The following KCNMA1 variants were observed in gnomAD, a reference collection of about 807,000 sequenced individuals.
KCNMA1 encodes the protein Calcium-activated potassium channel subunit alpha-1.
Under a neutral mutation model 140.0 loss-of-function variants are expected in KCNMA1, and 29 were observed. The observed-to-expected ratio is 0.21, with a 90% confidence interval of 0.15 to 0.28. The LOEUF is 0.28. KCNMA1 is among the 10% of genes least tolerant of loss of function. The probability of loss-of-function intolerance (pLI) is 1.00; values close to 1 mark genes in which losing one functional copy is unlikely to be tolerated. For missense variants in KCNMA1, 880 were observed against 1,602.2 expected (o/e 0.55, Z 7.70); for synonymous variants, 612 against 611.9 (o/e 1.00, Z 0.00).
chr10:77,041,077 G>A (rs574189352), intron 14 of KCNMA1, among the ~76,000 whole-genome samples: 4 of 152,002 alleles, frequency 2.6e-5, no homozygotes, highest in Non-Finnish European at 5.9e-5. Flanking sequence ...TGCCCCCTGG[G>A]TTCAAGAGAT....
Position 77,112,495 on chromosome 10 carries a change from TG to T in KCNMA1, c.885-54del. The stretch of plus-strand genomic sequence containing the variant: ...CCACGTTACCAAGGGAAGGCCCTGC[TG>T]GGGCTGCCTTACAGGGTAACAGCAC... On this transcript the variant is annotated intron_variant, in intron 6 of 27. Coordinates refer to ENST00000286628, the MANE Select transcript of KCNMA1 (RefSeq NM_001161352.2). 3 of 1,406,492 alleles carry T rather than the reference TG, an allele frequency of 2.1e-6. No homozygotes were observed. In the East Asian group the frequency reaches 6.9e-5, roughly 32 times the overall value. The allele number at this position is 1,406,492 out of a possible 1,614,324, so 87.1% of individuals were successfully genotyped here.
At chr10:77,301,695 T>C (rs962839328) in intron 2 of KCNMA1, among the ~76,000 whole-genome samples, 2 of 151,860 alleles carry the variant, frequency 1.3e-5, no homozygotes, top group African/African-American at 2.4e-5. Context: ...TGCACTTCAA[T>C]TGACGCCCCG....
At chr10:77,056,230 A>C (rs1169490976) in intron 14 of KCNMA1, among the ~76,000 whole-genome samples, 1 of 152,086 alleles carries the variant, frequency 6.6e-6, no homozygotes, top group Non-Finnish European at 1.5e-5. Context: ...AAATACAAAA[A>C]TTAGCCAGGC....
At chr10:77,409,658 C>T (rs2096574595) in intron 1 of KCNMA1, among the ~76,000 whole-genome samples, 1 of 152,232 alleles carries the variant, frequency 6.6e-6, no homozygotes, top group South Asian at 2.1e-4. Context: ...CCAGCCACGA[C>T]AGCTGCTCTG....
chr10:77,028,275 C>T (rs1020980996), intron 15 of KCNMA1, among the ~76,000 whole-genome samples: 2 of 152,058 alleles, frequency 1.3e-5, no homozygotes, highest in African/African-American at 4.8e-5. Flanking sequence ...ATTTGGATTC[C>T]GTTTCGGTCT....
chr10:77,111,862 A>ATACAAGGCTT (rs1491267760), intron 7 of KCNMA1, among the ~76,000 whole-genome samples: 1 of 152,194 alleles, frequency 6.6e-6, no homozygotes, highest in Non-Finnish European at 1.5e-5. Context: ...GCTTGACTTA[A>ATACAAGGCTT]TACAAGGCTT....
intron 4 of KCNMA1, among the ~76,000 whole-genome samples, chr10:77,184,402 T>A (rs1025114908): frequency 3.3e-5 from 5 of 152,108 alleles, no homozygotes; most frequent in Non-Finnish European, 5.9e-5. Context: ...GTATTTTTAG[T>A]AGAGATGGGA....
intron 1 of KCNMA1, among the ~76,000 whole-genome samples, chr10:77,438,874 C>G (rs755341986): frequency 4.6e-5 from 7 of 152,058 alleles, no homozygotes; most frequent in African/African-American, 7.2e-5. Flanking sequence ...GTCAGGAGTT[C>G]AAGACCAGCC....
intron 14 of KCNMA1, among the ~76,000 whole-genome samples, chr10:77,041,884 A>T (rs1274673314): frequency 6.6e-6 from 1 of 152,204 alleles, no homozygotes; most frequent in East Asian, 1.9e-4. Context: ...GGAGAAATGC[A>T]ACATGTGGAC....
chr10:77,595,425 G>A (rs1273132095), intron 1 of KCNMA1, among the ~76,000 whole-genome samples: 1 of 150,234 alleles, frequency 6.7e-6, no homozygotes, highest in Admixed American at 6.6e-5. Context: ...CCAGTAATAG[G>A]ATAAAAATGA....
chr10:77,151,109 TTCTC>T (rs899355559), intron 5 of KCNMA1, among the ~76,000 whole-genome samples: 8 of 151,860 alleles, frequency 5.3e-5, no homozygotes, highest in East Asian at 3.9e-4. Flanking sequence ...CTCTCTTTTC[TTCTC>T]TCTCTCTTCT....
At chr10:77,355,418 G>A (rs888886330) in intron 2 of KCNMA1, among the ~76,000 whole-genome samples, 3 of 152,122 alleles carry the variant, frequency 2.0e-5, no homozygotes, top group Admixed American at 6.5e-5. Context: ...CAGCAGTGAT[G>A]GGTTCAGGGA....
chr10:76,970,267 A>G, intron 19 of KCNMA1, 200 bp from the exon 20 acceptor site: 2 of 611,338 alleles, frequency 3.3e-6, no homozygotes, highest in Middle Eastern at 3.5e-4. Context: ...ACCTCTTTAC[A>G]CTCCAGCCTT....
Position 76,884,931 on chromosome 10 carries a change from G to T in KCNMA1, c.*2335C>A. ...TCACAAAAGTTTTCACAAGGACAAC[G>T]TTATAGAAGAAAACCCCCAGCAGTG... On this transcript the variant is annotated 3_prime_UTR_variant, in exon 28 of 28. Coordinates refer to ENST00000286628, the MANE Select transcript of KCNMA1 (RefSeq NM_001161352.2). 1 of 1,509,150 alleles carries T rather than the reference G, an allele frequency of 6.6e-7. No individual in the cohort carries two copies. The highest frequency in any genetic ancestry group is 8.8e-7 in the Non-Finnish European group (1 of 1,130,118). The allele number at this position is 1,509,150 out of a possible 1,614,324, so 93.5% of individuals were successfully genotyped here.
intron 1 of KCNMA1, among the ~76,000 whole-genome samples, chr10:77,547,520 A>C (rs2061716705): frequency 6.6e-6 from 1 of 152,216 alleles, no homozygotes; most frequent in African/African-American, 2.4e-5. Flanking sequence ...CACCCAAGAC[A>C]GGCTGCCCAA....
intron 2 of KCNMA1, among the ~76,000 whole-genome samples, chr10:77,389,529 C>T (rs992554111): frequency 1.3e-5 from 2 of 152,084 alleles, no homozygotes; most frequent in African/African-American, 4.8e-5. Context: ...GCAGAGGATA[C>T]TCAATTGGAA....
intron 5 of KCNMA1, among the ~76,000 whole-genome samples, chr10:77,124,551 C>T: frequency 6.6e-6 from 1 of 152,136 alleles, no homozygotes; most frequent in East Asian, 1.9e-4. Context: ...TTTTTCCCAA[C>T]ATGGAGACCA....
intron 14 of KCNMA1, chr10:77,071,616 G>A (rs2096216931): frequency 6.6e-6 from 1 of 152,160 alleles, no homozygotes; most frequent in Admixed American, 6.5e-5. Context: ...ACCCATGCAG[G>A]ATGAGAGCAG....
At chr10:77,622,556 T>C (rs1001960231) in intron 1 of KCNMA1, among the ~76,000 whole-genome samples, 2 of 152,220 alleles carry the variant, frequency 1.3e-5, no homozygotes, top group Non-Finnish European at 2.9e-5. Context: ...GATTATATAA[T>C]ACATATAGTT....
Sources: allele counts gnomAD v4.1 joint callset (sites outside exome capture counted in the v4.1 genomes callset), GRCh38; gene constraint gnomAD v4.1.1; transcripts MANE v1.5; gene names NCBI Gene and HGNC (gene_info 2026-07-23, HGNC 2026-07-21).